Variants in HOMER1 observed in about 807,000 individuals in gnomAD.
HOMER1 encodes the protein homer protein homolog 1.
Under a neutral mutation model 48.9 loss-of-function variants are expected in HOMER1, and 3 were observed. The ratio of observed to expected loss-of-function variants is 0.06; its 90% CI spans 0.03 to 0.16. HOMER1 has a LOEUF of 0.16. Ranked by LOEUF, HOMER1 falls within the 10% of genes least tolerant of loss-of-function variation. HOMER1 has a pLI of 1.00. For missense variants in HOMER1, 247 were observed against 411.4 expected (o/e 0.60, Z 3.46); for synonymous variants, 134 against 146.4 (o/e 0.92, Z 0.61).
At chr5:79,378,373 T>C (rs1748834630) in intron 8 of HOMER1, among the ~76,000 whole-genome samples, 1 of 152,104 alleles carries the variant, frequency 6.6e-6, no homozygotes, top group Non-Finnish European at 1.5e-5. Context: ...CAAGCAGCTA[T>C]AATGATTTTT....
At chr5:79,420,218 C>A (rs536140975) in intron 5 of HOMER1, among the ~76,000 whole-genome samples, 3 of 152,248 alleles carry the variant, frequency 2.0e-5, no homozygotes, top group Admixed American at 2.0e-4. Flanking sequence ...ATCTTTATTT[C>A]TTCCTATTTC....
At chr5:79,445,907 C>G (rs1364330221) in intron 4 of HOMER1, among the ~76,000 whole-genome samples, 2 of 152,194 alleles carry the variant, frequency 1.3e-5, no homozygotes, top group Non-Finnish European at 2.9e-5. Flanking sequence ...GAGCATGACT[C>G]TAGCTCAAAA....
intron 3 of HOMER1, among the ~76,000 whole-genome samples, chr5:79,449,517 G>T (rs1348782377): frequency 1.3e-5 from 2 of 152,184 alleles, no homozygotes; most frequent in Non-Finnish European, 2.9e-5. Context: ...CTGTCACCCA[G>T]GCTAGAGTGC....
intron 6 of HOMER1, among the ~76,000 whole-genome samples, chr5:79,399,129 A>G (rs1749470428): frequency 6.6e-6 from 1 of 152,202 alleles, no homozygotes; most frequent in African/African-American, 2.4e-5. Context: ...TAACTTTCCT[A>G]TAGGTAACAA....
At chr5:79,417,232 T>C (rs1408103999) in intron 5 of HOMER1, among the ~76,000 whole-genome samples, 2 of 151,234 alleles carry the variant, frequency 1.3e-5, no homozygotes, top group African/African-American at 4.9e-5. Context: ...AAGCTCCGCC[T>C]CCCGGGTTCA....
At chr5:79,457,786 C>T (rs571766619) in intron 1 of HOMER1, among the ~76,000 whole-genome samples, 2 of 152,230 alleles carry the variant, frequency 1.3e-5, no homozygotes, top group Admixed American at 1.3e-4. Flanking sequence ...TGGTTCAGTA[C>T]AGTATTTGCT....
chr5:79,410,081 C>G (rs1443667782), intron 5 of HOMER1, among the ~76,000 whole-genome samples: 1 of 151,982 alleles, frequency 6.6e-6, no homozygotes, highest in Non-Finnish European at 1.5e-5. Flanking sequence ...TCTTAGATAC[C>G]AAAAATAAAT....
chr5:79,436,837 T>C (rs1015068626), intron 5 of HOMER1, among the ~76,000 whole-genome samples: 1 of 152,196 alleles, frequency 6.6e-6, no homozygotes, highest in Non-Finnish European at 1.5e-5. Context: ...GAATACTGAT[T>C]AATACTGATT....
intron 2 of HOMER1, among the ~76,000 whole-genome samples, chr5:79,453,151 TAAGTAC>T (rs1751074208): frequency 6.6e-6 from 1 of 152,160 alleles, no homozygotes; most frequent in Non-Finnish European, 1.5e-5. Context: ...CAGACAGTAG[TAAGTAC>T]TATAAAGACC....
In HOMER1 at chr5:79,439,120, A is replaced by C; in HGVS notation, c.417T>G (p.Pro139=). ...TCCCGTTGATACTTTCCGGTGTTAA[A>C]GGAGACTGAAGATCCCCGCCTGCGG... ...QESAGGDLQS[P]LTPESINGTD... Residue 139 remains proline (P), a synonymous_variant, in exon 5 of 9, where the codon CCT becomes CCG. Transcript: ENST00000334082. 6.2e-7 allele frequency: 1 copy of C among 1,614,054 alleles called. No individual in the cohort carries two copies. Among genetic ancestry groups the C allele is most frequent in the Non-Finnish European group, 8.5e-7 (1 of 1,179,948 alleles).
intron 1 of HOMER1, among the ~76,000 whole-genome samples, chr5:79,501,555 A>G (rs1752593382): frequency 1.3e-5 from 2 of 152,218 alleles, no homozygotes; most frequent in Admixed American, 6.5e-5. Context: ...TTTTTTCAGT[A>G]CCATCTGTAA....
At chr5:79,450,374 C>G (rs1260760584) in intron 3 of HOMER1, among the ~76,000 whole-genome samples, 1 of 152,154 alleles carries the variant, frequency 6.6e-6, no homozygotes, top group Non-Finnish European at 1.5e-5. Flanking sequence ...CATTACATGG[C>G]TTTTGCTTAT....
chr5:79,384,718 C>T (rs987813173), intron 8 of HOMER1, among the ~76,000 whole-genome samples: 1 of 152,084 alleles, frequency 6.6e-6, no homozygotes, highest in Non-Finnish European at 1.5e-5. Context: ...AGGCCAATAT[C>T]CCTGAAAAAC....
At chr5:79,470,520 T>G (rs967451465) in intron 1 of HOMER1, among the ~76,000 whole-genome samples, 7 of 152,172 alleles carry the variant, frequency 4.6e-5, no homozygotes, top group Non-Finnish European at 1.0e-4. Context: ...CACTCCTGAG[T>G]GACTTAAAGT....
chr5:79,506,587 C>T (rs777555916), intron 1 of HOMER1, among the ~76,000 whole-genome samples: 17 of 152,144 alleles, frequency 1.1e-4, no homozygotes, highest in Admixed American at 6.5e-5. Context: ...TTTGGCCAGG[C>T]GTGATGGCTC....
chr5:79,396,574 A>G (rs537018890), intron 8 of HOMER1, among the ~76,000 whole-genome samples: 1 of 152,002 alleles, frequency 6.6e-6, no homozygotes, highest in Non-Finnish European at 1.5e-5. Context: ...AATTAAAAGT[A>G]GAAATTTCCA....
intron 1 of HOMER1, among the ~76,000 whole-genome samples, chr5:79,505,048 T>A (rs889276941): frequency 4.0e-5 from 6 of 151,208 alleles, no homozygotes; most frequent in African/African-American, 1.5e-4. Flanking sequence ...AAGGCCAGGG[T>A]GGGTGGAGCA....
chr5:79,439,518 C>CA (rs1750686000), intron 4 of HOMER1, among the ~76,000 whole-genome samples: 1 of 151,458 alleles, frequency 6.6e-6, no homozygotes, highest in Non-Finnish European at 1.5e-5. Flanking sequence ...AAAAGATGCA[C>CA]AAAAATGCAA....
intron 5 of HOMER1, among the ~76,000 whole-genome samples, chr5:79,427,784 T>TTTCC (rs140929951): frequency 1.4e-5 from 2 of 143,996 alleles, no homozygotes; most frequent in Middle Eastern, 3.3e-3. Context: ...CTTTCCTTCA[T>TTTCC]TTCCTTCCTT....
Sources: gnomAD v4.1 joint callset for allele counts (sites outside exome capture counted in the v4.1 genomes callset) on GRCh38, gnomAD v4.1.1 for gene constraint, MANE v1.5 for transcripts, NCBI Gene and HGNC (gene_info 2026-07-23, HGNC 2026-07-21) for gene names.